SNTG1: variants seen among roughly 807,000 people sequenced by gnomAD.
SNTG1 encodes syntrophin gamma 1, also known as gamma-1-syntrophin.
Under a neutral mutation model 74.7 loss-of-function variants are expected in SNTG1, and 39 were observed. The ratio of observed to expected loss-of-function variants is 0.52; its 90% CI spans 0.40 to 0.68. The LOEUF is 0.68. Ranked by LOEUF, SNTG1 falls within the 30% of genes least tolerant of loss-of-function variation. The probability of loss-of-function intolerance (pLI) is 0.00; values close to 1 mark genes in which losing one functional copy is unlikely to be tolerated. For synonymous variants in SNTG1, 254 were observed against 217.1 expected, an observed-to-expected ratio of 1.17 and a Z score of -1.49; for missense variants, 685 against 609.5, an observed-to-expected ratio of 1.12 and a Z score of -1.30.
chr8:50,032,790 A>G (rs781308106), intron 1 of SNTG1, among the ~76,000 whole-genome samples: 14 of 152,154 alleles, frequency 9.2e-5, no homozygotes, highest in Non-Finnish European at 1.8e-4. Context: ...CACTATACAT[A>G]TATTTTTTTT....
chr8:50,107,553 G>T (rs2080420982), intron 1 of SNTG1, among the ~76,000 whole-genome samples: 1 of 146,128 alleles, frequency 6.8e-6, no homozygotes, highest in South Asian at 2.4e-4. Flanking sequence ...CGGAATCAAG[G>T]TTTTTTGTTT....
chr8:50,181,138 C>A (rs2083192127), intron 2 of SNTG1, among the ~76,000 whole-genome samples: 1 of 152,120 alleles, frequency 6.6e-6, no homozygotes, highest in African/African-American at 2.4e-5. Context: ...CTTCACACAG[C>A]CCTGTCTGAA....
chr8:50,662,391 T>G (rs144569100), intron 15 of SNTG1, among the ~76,000 whole-genome samples: 10 of 152,280 alleles, frequency 6.6e-5, no homozygotes, highest in African/African-American at 1.9e-4. Context: ...TACATATAGT[T>G]TATATGTATG....
chr8:50,334,247 C>T (rs1175057158), intron 2 of SNTG1, among the ~76,000 whole-genome samples: 6 of 152,148 alleles, frequency 3.9e-5, no homozygotes, highest in Non-Finnish European at 8.8e-5. Flanking sequence ...CACATGGCAG[C>T]CCCCTTGAAT....
chr8:50,734,500 G>A (rs2095520811), intron 17 of SNTG1, among the ~76,000 whole-genome samples: 1 of 145,946 alleles, frequency 6.9e-6, no homozygotes, highest in African/African-American at 2.4e-5. Flanking sequence ...ACATATCTAT[G>A]ATTTTAATGT....
chr8:50,484,495 G>A (rs113012079), intron 8 of SNTG1, among the ~76,000 whole-genome samples: 3,872 of 151,588 alleles, frequency 0.026, 150 homozygotes, highest in African/African-American at 0.086. Flanking sequence ...GATTACAGGC[G>A]TGAGCCTCCA....
rs565594358 is a variant in SNTG1, at chr8:50,160,755, T to A, written c.-102-11806T>A. On this transcript the variant is annotated intron_variant, in intron 1 of 18. Transcript: ENST00000642720. The stretch of plus-strand genomic sequence containing the variant: ...ACCTGAAGTCATACTCATACTTGTA[T>A]CAGCTTATTTGATACTCATAGGGAT... Among the ~76,000 whole-genome samples the A allele has an allele frequency of 2.0e-5, 3 of 152,322 alleles. No individual in the cohort carries two copies. The South Asian group carries it at 6.2e-4, about 32-fold the overall frequency.
chr8:50,196,070 A>C (rs1320886373), intron 2 of SNTG1, among the ~76,000 whole-genome samples: 1 of 152,158 alleles, frequency 6.6e-6, no homozygotes, highest in East Asian at 1.9e-4. Context: ...TTAATATAAA[A>C]ACTATCCTTT....
At chr8:50,529,759 T>C (rs1018070976) in intron 9 of SNTG1, among the ~76,000 whole-genome samples, 14 of 152,060 alleles carry the variant, frequency 9.2e-5, no homozygotes, top group African/African-American at 3.4e-4. Context: ...CATTTTTGCA[T>C]CATGGAAAAT....
At chr8:49,964,711 C>G (rs1295502425) in intron 1 of SNTG1, among the ~76,000 whole-genome samples, 1 of 152,160 alleles carries the variant, frequency 6.6e-6, no homozygotes, top group Non-Finnish European at 1.5e-5. Context: ...CCCCTTTTCT[C>G]ATTTCTACAT....
chr8:50,319,721 C>T (rs1471155023), intron 2 of SNTG1, among the ~76,000 whole-genome samples: 1 of 151,994 alleles, frequency 6.6e-6, no homozygotes, highest in Non-Finnish European at 1.5e-5. Flanking sequence ...CATATATTAC[C>T]TTTATTATGT....
At chr8:50,449,602 G>A (rs551870281) in intron 5 of SNTG1, 66 bp from the exon 6 acceptor site, 23 of 1,299,658 alleles carry the variant, frequency 1.8e-5, no homozygotes, top group Admixed American at 1.4e-4. Flanking sequence ...AGCCTGTATG[G>A]TTTCTTAGCT....
intron 1 of SNTG1, among the ~76,000 whole-genome samples, chr8:50,020,269 A>G (rs1394966460): frequency 3.3e-5 from 5 of 152,126 alleles, no homozygotes; most frequent in Admixed American, 3.3e-4. Context: ...CGCTTCCCTC[A>G]GTACAGAGTG....
At chr8:50,249,946 G>T (rs2086572592) in intron 2 of SNTG1, among the ~76,000 whole-genome samples, 1 of 151,766 alleles carries the variant, frequency 6.6e-6, no homozygotes, top group African/African-American at 2.4e-5. Context: ...AAATAACAGG[G>T]TTCTTTGTCT....
chr8:50,266,050 C>G (rs1442032949), intron 2 of SNTG1, among the ~76,000 whole-genome samples: 1 of 145,796 alleles, frequency 6.9e-6, no homozygotes, highest in Non-Finnish European at 1.6e-5. Flanking sequence ...ATATCAAAAT[C>G]CTAGCTTTTT....
At chr8:50,020,058 T>A (rs997896988) in intron 1 of SNTG1, among the ~76,000 whole-genome samples, 19 of 152,110 alleles carry the variant, frequency 1.2e-4, no homozygotes, top group African/African-American at 4.6e-4. Flanking sequence ...TAATTGAGCC[T>A]TTTGTGCCAC....
At position 50,462,796 on chromosome 8, in the gene SNTG1, CTTTTTTTTTTTTTTTTTT is replaced by C. The variant is rs869119447; in HGVS notation, c.363+12089_363+12106del. Among the ~76,000 whole-genome samples, 39 of 57,470 alleles carry C rather than the reference CTTTTTTTTTTTTTTTTTT, an allele frequency of 6.8e-4. No individual in the cohort carries two copies. In the South Asian group the frequency reaches 6.9e-3, roughly 10 times the overall value. 37.7% of individuals were successfully genotyped at this position (57,470 alleles called of 152,430 possible). ...CTCAGTCGCATCTTCAGGTTCTACTCTTTTTTTTTTTTTTTTTTTTTTTTTTTTTTTTTTTTTTTGAGA... is the reference window on the plus strand; with the variant it reads ...CTCAGTCGCATCTTCAGGTTCTACTCTTTTTTTTTTTTTTTTTTTTTGAGA... On this transcript the variant is annotated intron_variant, in intron 8 of 18. Coordinates refer to ENST00000642720, the MANE Select transcript of SNTG1 (RefSeq NM_018967.5).
chr8:50,164,998 C>G (rs2082562647), intron 1 of SNTG1, among the ~76,000 whole-genome samples: 1 of 152,092 alleles, frequency 6.6e-6, no homozygotes. Flanking sequence ...GTGACTCTAA[C>G]TCATAGAAAC....
chr8:50,366,564 A>T (rs2092116662), intron 2 of SNTG1, among the ~76,000 whole-genome samples: 1 of 151,430 alleles, frequency 6.6e-6, no homozygotes, highest in Non-Finnish European at 1.5e-5. Flanking sequence ...TATAATAGGG[A>T]TCTACATTGA....
Sources: gnomAD v4.1 joint callset for allele counts (sites outside exome capture counted in the v4.1 genomes callset) on GRCh38, gnomAD v4.1.1 for gene constraint, MANE v1.5 for transcripts, NCBI Gene and HGNC (gene_info 2026-07-23, HGNC 2026-07-21) for gene names.